Variants in MAF observed in about 807,000 individuals in gnomAD.
MAF encodes MAF bZIP transcription factor.
In MAF, 10 loss-of-function variants were observed where a neutral mutation model predicts 22.0. The ratio of observed to expected loss-of-function variants is 0.45; its 90% CI spans 0.28 to 0.77. The LOEUF is 0.77. Among genes scored for constraint, MAF ranks in the 30% least tolerant of loss-of-function variants. The probability of loss-of-function intolerance (pLI) is 0.12; values close to 1 mark genes in which losing one functional copy is unlikely to be tolerated. For missense variants in MAF, 544 were observed against 548.4 expected (o/e 0.99, Z 0.08); for synonymous variants, 337 against 255.8 (o/e 1.32, Z -3.03).
the MAF span, among the ~76,000 whole-genome samples, chr16:79,312,923 A>G: frequency 7.2e-5 from 11 of 152,184 alleles, no homozygotes; most frequent in Admixed American, 1.3e-4. Flanking sequence ...GCCTGATAAT[A>G]TAAGACTTAC....
the MAF span, among the ~76,000 whole-genome samples, chr16:79,369,763 T>G: frequency 3.0e-3 from 454 of 152,310 alleles, 2 homozygotes; most frequent in African/African-American, 0.01. Flanking sequence ...CCACCCTCCA[T>G]GATGGGTTCA....
At chr16:79,546,464 T>A in the MAF span, among the ~76,000 whole-genome samples, 1 of 152,324 alleles carries the variant, frequency 6.6e-6, no homozygotes, top group South Asian at 2.1e-4. Context: ...TAGGAAGTGA[T>A]AAGATGGTTT....
chr16:79,320,405 C>T, the MAF span, among the ~76,000 whole-genome samples: 1 of 152,138 alleles, frequency 6.6e-6, no homozygotes, highest in African/African-American at 2.4e-5. Context: ...CTGCAGGACA[C>T]GCTGCTGCTT....
chr16:79,246,004 C>T, the MAF span, among the ~76,000 whole-genome samples: 1 of 151,856 alleles, frequency 6.6e-6, no homozygotes, highest in Non-Finnish European at 1.5e-5. Flanking sequence ...GGGAGTTGAA[C>T]AATGAGAACA....
chr16:79,232,680 G>A, the MAF span, among the ~76,000 whole-genome samples: 1 of 151,908 alleles, frequency 6.6e-6, no homozygotes, highest in African/African-American at 2.4e-5. Flanking sequence ...TCGCATCTGG[G>A]GTTCTTTGTT....
At chr16:79,596,990 T>C (rs1219432379) in intron 1 of MAF, 6 of 1,053,016 alleles carry the variant, frequency 5.7e-6, no homozygotes, top group Non-Finnish European at 6.9e-6. Context: ...GAATGTAAAA[T>C]ACCCCTACAG....
the MAF span, among the ~76,000 whole-genome samples, chr16:79,418,871 C>A: frequency 6.6e-6 from 1 of 152,194 alleles, no homozygotes; most frequent in Non-Finnish European, 1.5e-5. Flanking sequence ...CACAGGGCCC[C>A]ACACAAACTC....
the MAF span, among the ~76,000 whole-genome samples, chr16:79,512,762 G>C: frequency 3.3e-5 from 5 of 152,222 alleles, no homozygotes; most frequent in South Asian, 1.0e-3. Flanking sequence ...AGGAAAAAAT[G>C]TGGGTTTGCT....
chr16:79,589,277 A>G (rs967528250), downstream of MAF, among the ~76,000 whole-genome samples: 3 of 152,194 alleles, frequency 2.0e-5, no homozygotes, highest in African/African-American at 7.2e-5. Flanking sequence ...TATGAAATCC[A>G]AGAATGCAGG....
chr16:79,519,919 C>G, the MAF span, among the ~76,000 whole-genome samples: 1 of 152,220 alleles, frequency 6.6e-6, no homozygotes, highest in African/African-American at 2.4e-5. Context: ...GTCCTCCATC[C>G]GGGACAGCGC....
chr16:79,528,892 G>C, the MAF span, among the ~76,000 whole-genome samples: 21 of 152,060 alleles, frequency 1.4e-4, no homozygotes, highest in Non-Finnish European at 7.4e-5. Context: ...CTTCCCTTTC[G>C]TCCCATCTAG....
chr16:79,586,388 A>G (rs1245298068), intron 1 of MAF, among the ~76,000 whole-genome samples: 3 of 152,158 alleles, frequency 2.0e-5, no homozygotes, highest in Admixed American at 1.3e-4. Flanking sequence ...GGTGTGTGCT[A>G]GGGTTCCTTC....
the MAF span, among the ~76,000 whole-genome samples, chr16:79,487,394 G>A: frequency 6.6e-6 from 1 of 152,050 alleles, no homozygotes; most frequent in Admixed American, 6.5e-5. Context: ...GGATATATGG[G>A]TATATGTGCC....
At chr16:79,540,953 C>T in the MAF span, among the ~76,000 whole-genome samples, 58 of 152,258 alleles carry the variant, frequency 3.8e-4, no homozygotes, top group African/African-American at 1.3e-3. Flanking sequence ...ATTGCTATTA[C>T]CGCTAGTACT....
chr16:79,446,292 C>G, the MAF span, among the ~76,000 whole-genome samples: 3 of 152,042 alleles, frequency 2.0e-5, no homozygotes, highest in Admixed American at 2.0e-4. Context: ...CACCAGTTAC[C>G]AATATGTGTT....
chr16:79,367,162 G>T, the MAF span, among the ~76,000 whole-genome samples: 1 of 152,142 alleles, frequency 6.6e-6, no homozygotes, highest in Non-Finnish European at 1.5e-5. Context: ...TTTGAATCAA[G>T]TTTTTCCTCC....
chr16:79,485,641 T>C, the MAF span, among the ~76,000 whole-genome samples: 1 of 152,214 alleles, frequency 6.6e-6, no homozygotes, highest in Non-Finnish European at 1.5e-5. Context: ...TTTTTAAAAA[T>C]ATCTCTTGAA....
the MAF span, among the ~76,000 whole-genome samples, chr16:79,388,006 G>C: frequency 6.6e-6 from 1 of 152,146 alleles, no homozygotes; most frequent in Admixed American, 6.5e-5. Context: ...CAGTGAGTTT[G>C]TACCTGTGGT....
chr16:79,490,213 G>C, the MAF span, among the ~76,000 whole-genome samples: 1 of 152,226 alleles, frequency 6.6e-6, no homozygotes, highest in Non-Finnish European at 1.5e-5. Flanking sequence ...TGATCTGCCT[G>C]AACTGCTGTG....
Sources: gnomAD v4.1 joint callset for allele counts (sites outside exome capture counted in the v4.1 genomes callset) on GRCh38, gnomAD v4.1.1 for gene constraint, MANE v1.5 for transcripts, NCBI Gene and HGNC (gene_info 2026-07-23, HGNC 2026-07-21) for gene names.